The following A2M variants were observed in gnomAD, a reference collection of about 807,000 sequenced individuals.
A2M encodes the protein C3 and PZP-like alpha-2-macroglobulin domain-containing protein 5.
A neutral mutation model predicts 183.9 loss-of-function variants in A2M; 128 were observed. The ratio of observed to expected loss-of-function variants is 0.70; its 90% CI spans 0.60 to 0.81. The LOEUF is 0.81. Ranked by LOEUF, A2M falls within the 30% of genes least tolerant of loss-of-function variation. The pLI is 0.00. For synonymous variants in A2M, 592 were observed against 670.8 expected (o/e 0.88, Z 1.81); for missense variants, 1,495 against 1,787.6 (o/e 0.84, Z 2.95).
At position 9,112,196 on chromosome 12, in the gene A2M, A is replaced by G. The variant is rs1260094864; in HGVS notation, c.446T>C (p.Val149Ala). 2 of 1,613,756 alleles carry G rather than the reference A, an allele frequency of 1.2e-6. No homozygotes were observed. The highest frequency in any genetic ancestry group is 1.3e-5 in the African/African-American group (1 of 74,920). Residue 149 changes from valine to alanine, a missense_variant, in exon 4 of 36, where the codon GTC (valine) becomes GCC (alanine). Physicochemically the swap from Val to Ala is moderately conservative, Grantham distance 64. Transcript: ENST00000318602. ...KPGQTVKFRV[V>A]SMDENFHPLN... ...GGGGTGAAAGTTTTCATCCATGGAG[A>G]CAACACGAAATTTCACTGAAACAGA...
rs936242933 is a variant in A2M, at chr12:9,089,918, T to G, written c.2702A>C (p.Lys901Thr). ...PEHGRKDTVIKPLLVEPEGLE... is the reference protein window; with the variant it reads ...PEHGRKDTVITPLLVEPEGLE... ...TTTACTTACTTCAACCAACAGAGGC[T>G]TGATGACTGTGTCTTTCCTTCCGTG... The change falls in exon 21 of 36, where the codon AAG becomes ACG. Residue 901 changes from lysine to threonine, a missense_variant. By Grantham distance (78) the Lys-to-Thr change is moderately conservative (BLOSUM62 -1). Coordinates refer to ENST00000318602, the MANE Select transcript of A2M (RefSeq NM_000014.6). 4 of 1,612,038 alleles carry G rather than the reference T, an allele frequency of 2.5e-6. No individual in the cohort carries two copies. In the African/African-American group the frequency reaches 5.3e-5, roughly 22 times the overall value.
In A2M at chr12:9,089,851, C is replaced by T. The variant is rs919663431; in HGVS notation, c.2718+51G>A. 2.2e-5 allele frequency: 26 copies of T among 1,161,118 alleles called. No homozygotes were observed. The Admixed American group carries it at 3.1e-4, about 14-fold the overall frequency. 71.9% of individuals were successfully genotyped at this position (1,161,118 alleles called of 1,614,324 possible). On this transcript the variant is annotated intron_variant, in intron 21 of 35. Transcript: ENST00000318602. ...AAATATCCATATATTATTATATTAC[C>T]CACATATATTATATATTATTGTGGA... is the stretch of plus-strand genomic sequence containing the variant.
intron 22 of A2M, among the ~76,000 whole-genome samples, chr12:9,087,638 G>A (rs1234740001): frequency 1.3e-5 from 2 of 152,038 alleles, no homozygotes; most frequent in Admixed American, 1.3e-4. Context: ...TTTCAAACTT[G>A]CTTAGAGAAT....
intron 11 of A2M, among the ~76,000 whole-genome samples, chr12:9,102,027 G>A (rs1211785540): frequency 6.6e-6 from 1 of 152,178 alleles, no homozygotes; most frequent in Non-Finnish European, 1.5e-5. Flanking sequence ...ATAATCTCTA[G>A]AAATGGAAGA....
chr12:9,074,024 G>A (rs1173482438), intron 29 of A2M, among the ~76,000 whole-genome samples: 1 of 150,632 alleles, frequency 6.6e-6, no homozygotes, highest in African/African-American at 2.5e-5. Context: ...GGAGATGGAG[G>A]TTGCAGTGAG....
At chr12:9,074,494 G>T in intron 29 of A2M, 66 bp downstream of exon 29, 1 of 1,457,554 alleles carries the variant, frequency 6.9e-7, no homozygotes, top group Admixed American at 2.1e-5. Context: ...GGATGTGTTT[G>T]TTTCTTTTTC....
chr12:9,069,766 A>T lies in A2M; in HGVS notation c.4242T>A (p.His1414Gln). The T allele has an allele frequency of 6.2e-7, 1 of 1,613,084 alleles. No individual in the cohort carries two copies. Among genetic ancestry groups the T allele is most frequent in the Middle Eastern group, 1.7e-4 (1 of 6,054 alleles). ...HVSRTEVSSN[H>Q]VLIYLDKVSN... is the part of the protein sequence containing the mutation. ...TTACCTTATCAAGGTAAATCAAGAC[A>T]TGGTTGCTGCTGACTTCTGTCCGGC... The change falls in exon 33 of 36, where the codon CAT becomes CAA. Residue 1414 changes from histidine to glutamine, a missense_variant. Coordinates refer to ENST00000318602, the MANE Select transcript of A2M (RefSeq NM_000014.6).
At chr12:9,080,332 A>T (rs1398260037) in intron 22 of A2M, 155 bp from the exon 23 acceptor site, 3 of 413,294 alleles carry the variant, frequency 7.3e-6, no homozygotes, top group Admixed American at 4.2e-5. Flanking sequence ...TAAATATCTT[A>T]AAAATGGGCT....
Position 9,095,045 on chromosome 12 carries a change from T to C in A2M, c.2053A>G (p.Lys685Glu). 1 of 1,596,284 alleles carries C rather than the reference T, an allele frequency of 6.3e-7. No homozygotes were observed. Among genetic ancestry groups the C allele is most frequent in the South Asian group, 1.2e-5 (1 of 86,950 alleles). Residue 685 changes from lysine (K) to glutamate (E), a missense_variant, in exon 17 of 36, where the codon AAA (lysine) becomes GAA (glutamate). Transcript: ENST00000318602. ...TGAAGCTGTGGACACATTTTGGGTT[T>C]ACGAATCTTTGAGTTGGTGAATGCC... ...LKAFTNSKIR[K>E]PKMCPQLQQY... is the part of the protein sequence containing the mutation.
Position 9,093,712 on chromosome 12 carries a change from C to T in A2M, c.2126-133G>A, listed in dbSNP as rs183015073. 540 of 515,142 alleles carry T rather than the reference C, an allele frequency of 1.0e-3. 2 individuals carry two copies. The highest frequency in any genetic ancestry group is 9.4e-3 in the African/African-American group (479 of 50,810). 31.9% of individuals were successfully genotyped at this position (515,142 alleles called of 1,614,324 possible). ...GAAATAGAGAGGAAGGAGGAGAGGG[C>T]GCTTGGGTCATCAAGGAAAGCTTCT... On this transcript the variant is annotated intron_variant, in intron 17 of 35. Transcript: ENST00000318602.
chr12:9,094,377 CT>C (rs1949310891), intron 17 of A2M, among the ~76,000 whole-genome samples: 1 of 72,138 alleles, frequency 1.4e-5, no homozygotes, highest in East Asian at 5.7e-4. Flanking sequence ...ATATATATAC[CT>C]ATACATGCAT....
chr12:9,079,888 A>T (rs1948858705), intron 23 of A2M, 73 bp from the exon 24 acceptor site: 1 of 1,361,294 alleles, frequency 7.3e-7, no homozygotes, highest in Admixed American at 3.0e-5. Context: ...AGCAGAAATA[A>T]TTAGTTGAGC....
rs1342927574 is a variant in A2M, at chr12:9,113,468, C to G, written c.162G>C (p.Leu54=). The G allele has an allele frequency of 6.2e-7, 1 of 1,613,746 alleles. No individual in the cohort carries two copies. The highest frequency in any genetic ancestry group is 8.5e-7 in the Non-Finnish European group (1 of 1,179,946). The part of the protein sequence containing the change: ...TEKGCVLLSY[L]NETVTVSASL... ...AAGCACTTACAGTCACTGTCTCATT[C>G]AGGTAGCTCAGAAGGACACAGCCCT... The change falls in exon 2 of 36, where the codon CTG becomes CTC. Residue 54 remains leucine, a synonymous_variant. Transcript: ENST00000318602.
At chr12:9,112,676 G>A in intron 2 of A2M, 140 bp from the exon 3 acceptor site, 1 of 848,834 alleles carries the variant, frequency 1.2e-6, no homozygotes, top group Non-Finnish European at 1.8e-6. Context: ...AGTTGGCATG[G>A]ACAGGAATCA....
At chr12:9,096,227 C>T (rs1173429205) in intron 15 of A2M, among the ~76,000 whole-genome samples, 1 of 152,166 alleles carries the variant, frequency 6.6e-6, no homozygotes, top group Non-Finnish European at 1.5e-5. Context: ...CCAAACACTC[C>T]ATCTAAGTAC....
chr12:9,087,753 A>T (rs1254538522), intron 22 of A2M, among the ~76,000 whole-genome samples: 1 of 152,150 alleles, frequency 6.6e-6, no homozygotes, highest in Non-Finnish European at 1.5e-5. Flanking sequence ...CTGTATATAT[A>T]TACAATTATA....
intron 11 of A2M, 49 bp downstream of exon 11, chr12:9,104,190 T>C (rs771953335): frequency 1.3e-6 from 2 of 1,575,478 alleles, no homozygotes; most frequent in Non-Finnish European, 1.7e-6. Context: ...GGTTGCAACC[T>C]TGTTTCCAAG....
chr12:9,111,813 T>C (rs1350556769), intron 4 of A2M, among the ~76,000 whole-genome samples: 3 of 152,198 alleles, frequency 2.0e-5, no homozygotes, highest in Non-Finnish European at 4.4e-5. Context: ...TAGATGTGTA[T>C]AGAAAAAATC....
chr12:9,097,581 C>T (rs1437364175), intron 15 of A2M, among the ~76,000 whole-genome samples: 1 of 151,526 alleles, frequency 6.6e-6, no homozygotes, highest in East Asian at 1.9e-4. Context: ...CATATGTTCC[C>T]TCAGAAATTA....
Sources: allele counts gnomAD v4.1 joint callset (sites outside exome capture counted in the v4.1 genomes callset), GRCh38; gene constraint gnomAD v4.1.1; transcripts MANE v1.5; gene names NCBI Gene and HGNC (gene_info 2026-07-23, HGNC 2026-07-21).